RPS12: variants seen among roughly 807,000 people sequenced by gnomAD.
RPS12 encodes ribosomal protein S12.
A neutral mutation model predicts 17.2 loss-of-function variants in RPS12; 1 was observed. The observed-to-expected ratio is 0.06, with a 90% CI of 0.02 to 0.28. The LOEUF is 0.28. Among genes scored for constraint, RPS12 ranks in the 10% least tolerant of loss-of-function variants. RPS12 has a pLI of 1.00. For missense variants in RPS12, 146 were observed against 162.1 expected (o/e 0.90, Z 0.54); for synonymous variants, 67 against 54.0 (o/e 1.24, Z -1.06).
Position 132,814,603 on chromosome 6 carries a change from G to C in RPS12, c.-48G>C, listed in dbSNP as rs1054892139. The C allele has an allele frequency of 2.7e-5, 23 of 856,156 alleles. No individual in the cohort carries two copies. The highest frequency in any genetic ancestry group is 3.9e-5 in the Non-Finnish European group (20 of 513,326). 53.0% of individuals were successfully genotyped at this position (856,156 alleles called of 1,614,324 possible). A position where few individuals can be genotyped will look rare whatever the true frequency, so the allele number is the denominator to read the frequency against. ...TGCCGCCGCCGAGTCGCGCGGAGGC[G>C]GAGGCTTGGGGTAAGTTGAGCGAGG... On this transcript the variant is annotated 5_prime_UTR_variant, in exon 1 of 6. Coordinates refer to ENST00000230050, the MANE Select transcript of RPS12 (RefSeq NM_001016.4).
chr6:132,815,892 G>GAGT (rs1217045341), intron 3 of RPS12: 1 of 448,802 alleles, frequency 2.2e-6, no homozygotes, highest in Non-Finnish European at 4.4e-6. Context: ...CCCCAGGCTG[G>GAGT]AGTGCAGTGG....
rs879447035 is a variant in RPS12 at position 132,816,969 on chromosome 6, A to G, written c.244A>G (p.Asn82Asp). The change falls in exon 5 of 6, where the codon AAC becomes GAC. Residue 82 changes from asparagine (N) to aspartate (D), a missense_variant. Around this residue, in one of 2 missense-constraint regions of RPS12, gnomAD observed 117 missense variants for 104.6 expected, o/e 1.12. Coordinates refer to ENST00000230050, the MANE Select transcript of RPS12 (RefSeq NM_001016.4). Reference protein sequence around the residue: ...HQINLIKVDDNKKLGEWVGLC... With the variant: ...HQINLIKVDDDKKLGEWVGLC... ...ACCTTTCTCCCAATAGGTTGATGAC[A>G]ACAAGAAACTAGGAGAATGGGTAGG... The G allele has an allele frequency of 1.9e-6, 3 of 1,607,846 alleles. No individual in the cohort carries two copies. Among genetic ancestry groups the G allele is most frequent in the Non-Finnish European group, 2.6e-6 (3 of 1,174,434 alleles).
intron 5 of RPS12, 133 bp downstream of exon 5, chr6:132,817,194 G>A (rs12199381): frequency 0.065 from 51,465 of 787,456 alleles, 1,883 homozygotes; most frequent in Middle Eastern, 0.093. Context: ...TGCATTTCAG[G>A]AAAAAAATAA....
intron 3 of RPS12, chr6:132,815,360 AACATAAGAGTCTG>A (rs1782023717): frequency 1.6e-6 from 1 of 625,318 alleles, no homozygotes; most frequent in South Asian, 1.4e-5. Flanking sequence ...TTATGAGTGA[AACATAAGAGTCTG>A]ACAAACCTGT....
chr6:132,815,696 A>G, intron 3 of RPS12: 1 of 456,702 alleles, frequency 2.2e-6, no homozygotes, highest in South Asian at 1.5e-5. Context: ...TTTTGGTGTA[A>G]TCTAGCCAGT....
chr6:132,814,631 G>GC lies in RPS12; in HGVS notation c.-38+19dup. On this transcript the variant is annotated intron_variant, in intron 1 of 5. Transcript: ENST00000230050. ...GGCTTGGGGTAAGTTGAGCGAGGCG[G>GC]CAGGGGGGTGTATTGGTTATAATTT... 1 of 1,054,870 alleles carries GC rather than the reference G, an allele frequency of 9.5e-7. No homozygotes were observed. The highest frequency in any genetic ancestry group is 1.3e-5 in the South Asian group (1 of 78,470). 65.3% of individuals were successfully genotyped at this position (1,054,870 alleles called of 1,614,324 possible). A position where few individuals can be genotyped will look rare whatever the true frequency, so the allele number is the denominator to read the frequency against.
intron 3 of RPS12, 27 bp from the exon 4 acceptor site, chr6:132,816,434 C>G (rs372250483): frequency 2.5e-4 from 388 of 1,547,130 alleles, no homozygotes; most frequent in Non-Finnish European, 3.2e-4. Flanking sequence ...AGTTTTAGCT[C>G]CATTTTCATT....
At chr6:132,815,517 C>G (rs554686316) in intron 3 of RPS12, 5 of 412,978 alleles carry the variant, frequency 1.2e-5, no homozygotes, top group South Asian at 5.2e-5. Flanking sequence ...GCATTTGGTC[C>G]TAGATGAATT....
chr6:132,817,255 G>C, intron 5 of RPS12, 194 bp downstream of exon 5: 1 of 772,942 alleles, frequency 1.3e-6, no homozygotes, highest in South Asian at 1.4e-5. Context: ...GATTGTGTTT[G>C]TGCAGACATA....
rs1782066065 is a variant in RPS12 at position 132,816,570 on chromosome 6, C to T, written c.234+7C>T. 2 of 1,573,054 alleles carry T rather than the reference C, an allele frequency of 1.3e-6. No homozygotes were observed. The highest frequency in any genetic ancestry group is 1.7e-6 in the Non-Finnish European group (2 of 1,155,148). ...CCAAATCAACCTAATTAAGGTAAGGCTGCTAAGGATTGTGTTGGGACTAAT... is the reference window on the plus strand; with the variant it reads ...CCAAATCAACCTAATTAAGGTAAGGTTGCTAAGGATTGTGTTGGGACTAAT... On this transcript the variant is annotated splice_region_variant and intron_variant, in intron 4 of 5. Coordinates refer to ENST00000230050, the MANE Select transcript of RPS12 (RefSeq NM_001016.4).
chr6:132,814,703 T>C (rs1039503327), intron 1 of RPS12, 29 bp from the exon 2 acceptor site: 17 of 1,583,732 alleles, frequency 1.1e-5, no homozygotes, highest in Non-Finnish European at 1.3e-5. Flanking sequence ...TATCTGGTTC[T>C]TTAACAAGTC....
chr6:132,817,116 C>A, intron 5 of RPS12, 55 bp downstream of exon 5: 1 of 1,070,316 alleles, frequency 9.3e-7, no homozygotes, highest in South Asian at 1.3e-5. Context: ...CATATAAAAC[C>A]TTGTATTGAA....
At chr6:132,816,425 G>A in intron 3 of RPS12, 36 bp from the exon 4 acceptor site, 1 of 1,497,964 alleles carries the variant, frequency 6.7e-7, no homozygotes, top group Non-Finnish European at 9.3e-7. Context: ...TTGGATCTGA[G>A]TTTTAGCTCC....
Position 132,814,837 on chromosome 6 carries a change from GC to G in RPS12, c.14+56del, listed in dbSNP as rs1782006372. On this transcript the variant is annotated intron_variant, in intron 2 of 5. Transcript: ENST00000230050. ...GGTCGGGGTGCGGCTGAGGCGTGGG[GC>G]TAGAGCTGGCGGAACAGGACTGGGT... The G allele has an allele frequency of 4.6e-6, 7 of 1,527,802 alleles. No homozygotes were observed. The East Asian group carries it at 1.1e-4, about 25-fold the overall frequency. The allele number at this position is 1,527,802 out of a possible 1,614,324, so 94.6% of individuals were successfully genotyped here. A position where few individuals can be genotyped will look rare whatever the true frequency, so the allele number is the denominator to read the frequency against.
At chr6:132,815,301 TAC>T (rs1782021704) in intron 3 of RPS12, 1 of 730,682 alleles carries the variant, frequency 1.4e-6, no homozygotes, top group Admixed American at 1.7e-5. Context: ...CACTCAAAAC[TAC>T]AGTGTTTGAA....
chr6:132,817,380 CAT>C (rs759631681), intron 5 of RPS12, 98 bp from the exon 6 acceptor site: 10 of 861,456 alleles, frequency 1.2e-5, no homozygotes, highest in African/African-American at 1.2e-4. Flanking sequence ...TTTTATAAGA[CAT>C]AGCTAATTGT....
intron 2 of RPS12, 57 bp from the exon 3 acceptor site, chr6:132,814,915 C>T (rs113440539): frequency 2.3e-5 from 33 of 1,409,706 alleles, no homozygotes; most frequent in East Asian, 1.8e-4. Context: ...TTGCTGAGTG[C>T]AAGGCCTTAT....
intron 3 of RPS12, chr6:132,815,334 T>C: frequency 4.4e-6 from 3 of 677,762 alleles, no homozygotes; most frequent in Non-Finnish European, 8.3e-6. Flanking sequence ...AATTGTCGGA[T>C]ACCCCTTCAC....
intron 4 of RPS12, 142 bp from the exon 5 acceptor site, chr6:132,816,818 A>G (rs529943821): frequency 1.8e-5 from 14 of 775,550 alleles, no homozygotes; most frequent in South Asian, 2.7e-5. Flanking sequence ...CATGATGACA[A>G]CTGGCTCCCT....
Sources: allele counts gnomAD v4.1 joint callset, GRCh38; gene constraint gnomAD v4.1.1; regional missense constraint gnomAD v4.1.1; transcripts MANE v1.5; gene names NCBI Gene and HGNC (gene_info 2026-07-23, HGNC 2026-07-21).